The following CLNK variants were observed in gnomAD, a reference collection of about 807,000 sequenced individuals.
CLNK encodes cytokine-dependent hematopoietic cell linker.
Under a neutral mutation model 68.6 loss-of-function variants are expected in CLNK, and 74 were observed. The ratio of observed to expected loss-of-function variants is 1.08; its 90% confidence interval spans 0.89 to 1.31. The LOEUF (loss-of-function observed/expected upper bound fraction) is 1.31. Among genes scored for constraint, CLNK ranks in the 50% most tolerant of loss-of-function variants. CLNK has a pLI of 0.00. For synonymous variants in CLNK, 198 were observed against 172.2 expected (o/e 1.15, Z -1.17); for missense variants, 553 against 515.3 (o/e 1.07, Z -0.71).
At position 10,598,480 on chromosome 4, in the gene CLNK, G is replaced by A. The variant is rs149074597; in HGVS notation, c.12-431C>T. Among the ~76,000 whole-genome samples, 249 of 152,322 alleles carry A rather than the reference G, an allele frequency of 1.6e-3. 1 individual carries two copies. Among genetic ancestry groups the A allele is most frequent in the Non-Finnish European group, 2.3e-3 (156 of 68,038 alleles). On this transcript the variant is annotated intron_variant, in intron 2 of 18. Coordinates refer to ENST00000226951, the MANE Select transcript of CLNK (RefSeq NM_052964.4). ...GGACAGCAACCGTGAGCCAGGCAAT[G>A]TCTCAGATGCTTCCCTATGTTGGTT...
At chr4:10,683,395 C>T (rs1258660110) in intron 1 of CLNK, among the ~76,000 whole-genome samples, 2 of 152,184 alleles carry the variant, frequency 1.3e-5, no homozygotes, top group Non-Finnish European at 2.9e-5. Flanking sequence ...CAAAGAAATA[C>T]TACCATTTAG....
intron 1 of CLNK, among the ~76,000 whole-genome samples, chr4:10,681,188 T>C (rs191522247): frequency 2.0e-5 from 3 of 152,286 alleles, no homozygotes; most frequent in Non-Finnish European, 4.4e-5. Context: ...AATATGCCAA[T>C]CATCTGAACT....
upstream of CLNK, among the ~76,000 whole-genome samples, chr4:10,689,153 G>A (rs1311449379): frequency 2.0e-5 from 3 of 150,676 alleles, no homozygotes; most frequent in East Asian, 5.8e-4. Flanking sequence ...TTTTTTCGGG[G>A]GCGACGAGGT....
At chr4:10,657,298 C>A (rs3924635) in intron 2 of CLNK, among the ~76,000 whole-genome samples, 57,162 of 151,918 alleles carry the variant, frequency 0.38, 11,243 homozygotes, top group African/African-American at 0.48. Flanking sequence ...ACCCACACTT[C>A]AGGATAGTTT....
At chr4:10,544,358 A>G (rs1302610222) in intron 8 of CLNK, among the ~76,000 whole-genome samples, 4 of 152,232 alleles carry the variant, frequency 2.6e-5, no homozygotes, top group African/African-American at 4.8e-5. Flanking sequence ...CATTTTTAAT[A>G]TATGCATTGA....
chr4:10,585,421 C>T (rs1286965557), intron 3 of CLNK, among the ~76,000 whole-genome samples: 1 of 152,214 alleles, frequency 6.6e-6, no homozygotes, highest in Non-Finnish European at 1.5e-5. Context: ...GCCAACTGTT[C>T]GAACTGTGTT....
intron 2 of CLNK, among the ~76,000 whole-genome samples, chr4:10,650,604 A>G (rs941259988): frequency 6.6e-6 from 1 of 152,150 alleles, no homozygotes; most frequent in Non-Finnish European, 1.5e-5. Context: ...GAGAGAAAAC[A>G]ACTGTCAATC....
chr4:10,537,248 C>T (rs1410985634), intron 11 of CLNK, among the ~76,000 whole-genome samples: 4 of 152,150 alleles, frequency 2.6e-5, no homozygotes, highest in African/African-American at 4.8e-5. Context: ...GAGGCCAAGG[C>T]GGGTGGATCA....
At chr4:10,526,720 T>C (rs1577107460) in intron 13 of CLNK, among the ~76,000 whole-genome samples, 1 of 152,162 alleles carries the variant, frequency 6.6e-6, no homozygotes, top group Non-Finnish European at 1.5e-5. Flanking sequence ...CTCAATTTTT[T>C]CCCCCCTCGA....
intron 14 of CLNK, among the ~76,000 whole-genome samples, chr4:10,524,570 A>G (rs1244844424): frequency 5.3e-5 from 8 of 152,152 alleles, no homozygotes; most frequent in Non-Finnish European, 1.5e-5. Flanking sequence ...GGCACCAGGG[A>G]TAGTCAGGAT....
intron 1 of CLNK, among the ~76,000 whole-genome samples, chr4:10,670,023 C>T (rs778811326): frequency 6.6e-6 from 1 of 152,348 alleles, no homozygotes; most frequent in East Asian, 1.9e-4. Context: ...CTGCCATTAA[C>T]TAGCCGTGTG....
chr4:10,718,338 A>T, the CLNK span, among the ~76,000 whole-genome samples: 1 of 152,172 alleles, frequency 6.6e-6, no homozygotes, highest in Non-Finnish European at 1.5e-5. Context: ...AAACACAAAA[A>T]ACCCAAATAG....
At chr4:10,549,149 C>T (rs973948998) in intron 8 of CLNK, among the ~76,000 whole-genome samples, 1 of 152,132 alleles carries the variant, frequency 6.6e-6, no homozygotes, top group African/African-American at 2.4e-5. Flanking sequence ...CAAAAATCCA[C>T]GGGGATTTCA....
intron 18 of CLNK, among the ~76,000 whole-genome samples, chr4:10,495,679 G>A (rs755748305): frequency 2.0e-4 from 30 of 152,094 alleles, no homozygotes; most frequent in Non-Finnish European, 3.7e-4. Context: ...CCTGAGAAGG[G>A]GTGCTTATCC....
chr4:10,703,339 T>G, the CLNK span, among the ~76,000 whole-genome samples: 5 of 152,224 alleles, frequency 3.3e-5, no homozygotes, highest in South Asian at 6.2e-4. Flanking sequence ...GTACATAATA[T>G]GTGACCAATA....
At chr4:10,490,724 C>T (rs1272377881) in intron 18 of CLNK, 111 bp from the exon 19 acceptor site, 1 of 841,962 alleles carries the variant, frequency 1.2e-6, no homozygotes, top group Non-Finnish European at 1.8e-6. Context: ...ACCAATTTAA[C>T]AATGTTTGTA....
chr4:10,732,004 T>C, the CLNK span, among the ~76,000 whole-genome samples: 2 of 152,196 alleles, frequency 1.3e-5, no homozygotes, highest in Non-Finnish European at 2.9e-5. Context: ...TTATGGCTGA[T>C]TTCAAGCAAT....
chr4:10,500,672 CA>C (rs11370372), intron 18 of CLNK, among the ~76,000 whole-genome samples: 18,785 of 141,110 alleles, frequency 0.13, 1,381 homozygotes, highest in East Asian at 0.22. Context: ...GTCTCTGTCT[CA>C]AAAAAAAAAA....
At chr4:10,562,699 C>T (rs530087557) in intron 7 of CLNK, among the ~76,000 whole-genome samples, 25 of 152,266 alleles carry the variant, frequency 1.6e-4, no homozygotes, top group African/African-American at 5.3e-4. Flanking sequence ...CCCCCACGTC[C>T]GGTCACAAGA....
Sources: allele counts gnomAD v4.1 joint callset (sites outside exome capture counted in the v4.1 genomes callset), GRCh38; gene constraint gnomAD v4.1.1; transcripts MANE v1.5; gene names NCBI Gene and HGNC (gene_info 2026-07-23, HGNC 2026-07-21).